Variants in RBFOX3 observed in about 807,000 individuals in gnomAD.
RBFOX3 encodes the protein RNA binding fox-1 homolog 3.
A neutral mutation model predicts 48.7 loss-of-function variants in RBFOX3; 17 were observed. The observed-to-expected ratio is 0.35, with a 90% CI of 0.24 to 0.52. The LOEUF is 0.52. Among genes scored for constraint, RBFOX3 ranks in the 20% least tolerant of loss-of-function variants. The pLI is 0.94. For synonymous variants in RBFOX3, 212 were observed against 209.5 expected (o/e 1.01, Z -0.10); for missense variants, 382 against 497.5 (o/e 0.77, Z 2.21).
At chr17:79,400,757 A>G (rs9302897) in intron 2 of RBFOX3, among the ~76,000 whole-genome samples, 34,507 of 152,060 alleles carry the variant, frequency 0.23, 3,992 homozygotes, top group Middle Eastern at 0.25. Flanking sequence ...AGCTGGACTC[A>G]CCCCTTTTTG....
intron 13 of RBFOX3, among the ~76,000 whole-genome samples, chr17:79,094,782 G>C (rs561522477): frequency 2.0e-5 from 3 of 146,578 alleles, no homozygotes; most frequent in African/African-American, 7.5e-5. Flanking sequence ...GGGGTGGGGG[G>C]AGGGGGTGTG....
At chr17:79,184,272 G>A (rs993875021) in intron 4 of RBFOX3, among the ~76,000 whole-genome samples, 3 of 152,192 alleles carry the variant, frequency 2.0e-5, no homozygotes, top group Non-Finnish European at 2.9e-5. Context: ...ACAGGCACCT[G>A]GTCTTGTGGC....
rs1290989705 is a variant in RBFOX3 at position 79,111,298 on chromosome 17, C to T, written c.222+4196G>A. On this transcript the variant is annotated intron_variant, in intron 5 of 14. Transcript: ENST00000693108. The surrounding 1 kb of genome is among the most constrained non-coding windows in gnomAD (Gnocchi z 4.2). ...CCCCTCAGACATCAGGCCCTTGCGG[C>T]CCACGTGGGGTCCCTTCTGGCAGGT... Among the ~76,000 whole-genome samples the T allele has an allele frequency of 2.6e-5, 4 of 152,248 alleles. No individual in the cohort carries two copies. In the South Asian group the frequency reaches 6.2e-4, roughly 24 times the overall value.
intron 4 of RBFOX3, among the ~76,000 whole-genome samples, chr17:79,179,189 A>AAG (rs541264525): frequency 1.3e-5 from 2 of 152,186 alleles, no homozygotes; most frequent in Non-Finnish European, 2.9e-5. Flanking sequence ...CCTTAGAGGG[A>AAG]AGAGAGAATG....
chr17:79,650,360 A>G, the RBFOX3 span, among the ~76,000 whole-genome samples: 1 of 152,070 alleles, frequency 6.6e-6, no homozygotes, highest in Non-Finnish European at 1.5e-5. Context: ...TGCTGATGGC[A>G]AGCAAGTTGA....
chr17:79,487,958 T>C (rs2079901173), intron 1 of RBFOX3, among the ~76,000 whole-genome samples: 1 of 132,258 alleles, frequency 7.6e-6, no homozygotes, highest in Non-Finnish European at 1.6e-5. Context: ...CACCAACAAA[T>C]GGGATCAAGA....
At chr17:79,283,585 A>G (rs574096851) in intron 3 of RBFOX3, among the ~76,000 whole-genome samples, 1 of 152,380 alleles carries the variant, frequency 6.6e-6, no homozygotes, top group South Asian at 2.1e-4. Flanking sequence ...TAGATTTAAA[A>G]GTACACGGAA....
chr17:79,496,825 C>T (rs2081608549), intron 1 of RBFOX3, among the ~76,000 whole-genome samples: 1 of 152,190 alleles, frequency 6.6e-6, no homozygotes, highest in South Asian at 2.1e-4. Context: ...CACGTGAATG[C>T]CGAAAGCCTG....
Position 79,535,035 on chromosome 17 carries a change from A to G in RBFOX3, c.-319-52437T>C, listed in dbSNP as rs1306674627. ...GTTAGGATGCTTTCAGCTGCACCCA[A>G]CAGAAACCTGACCCAAACTGGCTGA... On this transcript the variant is annotated intron_variant, in intron 1 of 14. Transcript: ENST00000693108. The surrounding 1 kb of genome is among the most constrained non-coding windows in gnomAD (Gnocchi z 4.5). Among the ~76,000 whole-genome samples the G allele has an allele frequency of 1.3e-5, 2 of 152,152 alleles. No individual in the cohort carries two copies. The highest frequency in any genetic ancestry group is 4.8e-5 in the African/African-American group (2 of 41,438).
At chr17:79,623,739 T>C in the RBFOX3 span, among the ~76,000 whole-genome samples, 1 of 151,308 alleles carries the variant, frequency 6.6e-6, no homozygotes, top group Non-Finnish European at 1.5e-5. Context: ...GGAGAATCGC[T>C]TGAACCCAGG....
At chr17:79,330,123 G>A (rs958451770) in intron 2 of RBFOX3, among the ~76,000 whole-genome samples, 2 of 152,092 alleles carry the variant, frequency 1.3e-5, no homozygotes, top group Non-Finnish European at 2.9e-5. Context: ...GTGTGTGCAG[G>A]TGCGTGTGGG....
At chr17:79,097,829 C>G in intron 9 of RBFOX3, 84 bp from the exon 10 acceptor site, 1 of 1,408,052 alleles carries the variant, frequency 7.1e-7, no homozygotes, top group Non-Finnish European at 9.8e-7. Context: ...CCCAGCGACA[C>G]CGGTGGAGCC....
intron 4 of RBFOX3, among the ~76,000 whole-genome samples, chr17:79,164,540 G>A (rs983068786): frequency 2.6e-5 from 4 of 152,232 alleles, no homozygotes. Context: ...GGGTGCCTTG[G>A]CGCATGGCCA....
chr17:79,115,552 G>T lies in RBFOX3; in HGVS notation c.164C>A (p.Pro55His). The stretch of plus-strand genomic sequence containing the variant: ...GCTGGCCTCGGAGCCTGGCTGCTCG[G>T]GGTGGGTCTGTGCTGGTGTGTACAG... Reference protein sequence around the residue: ...MTLYTPAQTHPEQPGSEASTQ... With the variant: ...MTLYTPAQTHHEQPGSEASTQ... The change falls in exon 5 of 15, where the codon CCC becomes CAC. Residue 55 changes from proline (P) to histidine (H), a missense_variant. By Grantham distance (77) the Pro-to-His change is moderately conservative. Transcript: ENST00000693108. 7.5e-7 allele frequency: 1 copy of T among 1,342,204 alleles called. No homozygotes were observed. The allele number at this position is 1,342,204 out of a possible 1,614,324, so 83.1% of individuals were successfully genotyped here. A position where few individuals can be genotyped will look rare whatever the true frequency, so the allele number is the denominator to read the frequency against.
At chr17:79,178,421 C>T (rs572256025) in intron 4 of RBFOX3, among the ~76,000 whole-genome samples, 2 of 152,300 alleles carry the variant, frequency 1.3e-5, no homozygotes, top group South Asian at 2.1e-4. Flanking sequence ...TGGAAAAGGA[C>T]CAGAACTTCC....
At chr17:79,253,960 T>C (rs1300730708) in intron 3 of RBFOX3, among the ~76,000 whole-genome samples, 2 of 152,154 alleles carry the variant, frequency 1.3e-5, no homozygotes, top group African/African-American at 4.8e-5. Context: ...CATGTCTGGG[T>C]CCAGGTCAGG....
chr17:79,381,486 T>C (rs1045784081), intron 2 of RBFOX3, among the ~76,000 whole-genome samples: 4 of 152,148 alleles, frequency 2.6e-5, no homozygotes, highest in Non-Finnish European at 4.4e-5. Context: ...TCCCCGGGGC[T>C]CGGGGCTGCC....
chr17:79,539,909 G>T (rs552649201), intron 1 of RBFOX3, among the ~76,000 whole-genome samples: 208 of 152,226 alleles, frequency 1.4e-3, no homozygotes, highest in Admixed American at 6.4e-3. Flanking sequence ...AGTGTAAGTA[G>T]GTCCCACGCG....
chr17:79,648,571 C>T, the RBFOX3 span, among the ~76,000 whole-genome samples: 11 of 152,236 alleles, frequency 7.2e-5, no homozygotes, highest in African/African-American at 2.7e-4. Context: ...TTAGCTGTGG[C>T]TGTGACTCTG....
Sources: allele counts gnomAD v4.1 joint callset (sites outside exome capture counted in the v4.1 genomes callset), GRCh38; gene constraint gnomAD v4.1.1; non-coding constraint Gnocchi (gnomAD v3.1); transcripts MANE v1.5; gene names NCBI Gene and HGNC (gene_info 2026-07-23, HGNC 2026-07-21).